Variants in SPON1 observed in about 807,000 individuals in gnomAD.
The protein encoded by SPON1 is spondin-1.
SPON1 carries 52 observed loss-of-function variants against 111.7 expected under a neutral mutation model. The ratio of observed to expected loss-of-function variants is 0.47; its 90% CI spans 0.37 to 0.59. The LOEUF is 0.59. Ranked by LOEUF, SPON1 falls within the 20% of genes least tolerant of loss-of-function variation. SPON1 has a pLI of 0.00. For missense variants in SPON1, 957 were observed against 1,068.5 expected (o/e 0.90, Z 1.46); for synonymous variants, 410 against 395.8 (o/e 1.04, Z -0.43).
chr11:14,078,234 T>C (rs1848933634), intron 4 of SPON1, among the ~76,000 whole-genome samples: 1 of 152,250 alleles, frequency 6.6e-6, no homozygotes, highest in African/African-American at 2.4e-5. Context: ...TTATTTTCCT[T>C]TGAAAATCCA....
intron 6 of SPON1, among the ~76,000 whole-genome samples, chr11:14,176,130 C>A (rs1024304159): frequency 2.0e-5 from 3 of 152,064 alleles, no homozygotes; most frequent in Admixed American, 2.0e-4. Flanking sequence ...GTTAAGCCCT[C>A]TTTAGGGTTC....
intron 6 of SPON1, among the ~76,000 whole-genome samples, chr11:14,203,296 A>C (rs1258590331): frequency 3.9e-5 from 6 of 152,112 alleles, no homozygotes; most frequent in African/African-American, 1.2e-4. Flanking sequence ...CCTCTCTAGC[A>C]AGCTATTTTC....
chr11:14,158,929 G>C (rs1425179599), intron 6 of SPON1, among the ~76,000 whole-genome samples: 1 of 152,060 alleles, frequency 6.6e-6, no homozygotes, highest in African/African-American at 2.4e-5. Flanking sequence ...AATATGCTAG[G>C]TGTGGAGAAC....
At chr11:14,077,774 C>T (rs563645865) in intron 4 of SPON1, among the ~76,000 whole-genome samples, 12 of 151,274 alleles carry the variant, frequency 7.9e-5, no homozygotes, top group Non-Finnish European at 1.2e-4. Context: ...CATGAGCTAC[C>T]GTGCCCGGCC....
chr11:13,992,579 G>T (rs975611574), intron 2 of SPON1, among the ~76,000 whole-genome samples: 1 of 152,012 alleles, frequency 6.6e-6, no homozygotes, highest in Non-Finnish European at 1.5e-5. Context: ...GTTCTGTCTC[G>T]CTGCTGTTCC....
intron 2 of SPON1, among the ~76,000 whole-genome samples, chr11:13,991,628 A>C (rs936674361): frequency 8.5e-5 from 13 of 152,218 alleles, no homozygotes; most frequent in Admixed American, 5.9e-4. Flanking sequence ...GCTGGTGAGG[A>C]GTTGCGATCC....
rs1235638701 is a variant in SPON1 at position 14,259,279 on chromosome 11, G to C, written c.1493-1G>C. Reference sequence around the variant, plus strand: ...TGCAGCGTTCACTCGGTGTGTTGCAGACGGCTCCACCTGCACCATGTCCGA... The same window carrying C: ...TGCAGCGTTCACTCGGTGTGTTGCACACGGCTCCACCTGCACCATGTCCGA... On this transcript the variant is annotated splice_acceptor_variant, in intron 11 of 15. Transcript: ENST00000576479. LOFTEE classifies it high-confidence loss of function. This position sits in a 1 kb window ranked among gnomAD's most constrained non-coding sequence, Gnocchi z 5.0. 1 of 1,609,742 alleles carries C rather than the reference G, an allele frequency of 6.2e-7. No homozygotes were observed. Among genetic ancestry groups the C allele is most frequent in the African/African-American group, 1.3e-5 (1 of 74,856 alleles).
At chr11:14,061,869 G>A (rs186175750) in intron 3 of SPON1, among the ~76,000 whole-genome samples, 230 of 152,320 alleles carry the variant, frequency 1.5e-3, no homozygotes, top group Non-Finnish European at 2.6e-3. Flanking sequence ...TGCTGATGAG[G>A]CCTAACTACT....
chr11:14,004,132 A>G (rs1848340975), intron 2 of SPON1, among the ~76,000 whole-genome samples: 1 of 152,084 alleles, frequency 6.6e-6, no homozygotes, highest in Non-Finnish European at 1.5e-5. Flanking sequence ...TCTAGGCTGA[A>G]TAATATTCCA....
At chr11:14,198,385 C>T (rs1288410107) in intron 6 of SPON1, among the ~76,000 whole-genome samples, 1 of 152,226 alleles carries the variant, frequency 6.6e-6, no homozygotes, top group Non-Finnish European at 1.5e-5. Flanking sequence ...GGTAGGTGCT[C>T]ACCTGGGATG....
rs782248239 is a variant in SPON1, at chr11:14,265,638, G to C, written c.2375G>C (p.Ser792Thr). 6.2e-7 allele frequency: 1 copy of C among 1,613,786 alleles called. No individual in the cohort carries two copies. The highest frequency in any genetic ancestry group is 8.5e-7 in the Non-Finnish European group (1 of 1,179,832). Residue 792 changes from serine (S) to threonine (T), a missense_variant, in exon 16 of 16, where the codon AGC becomes ACC. Physicochemically the swap from Ser to Thr is moderately conservative, Grantham distance 58 (BLOSUM62 1). Around this residue, in one of 5 missense-constraint regions of SPON1, gnomAD observed 549 missense variants for 606.2 expected, o/e 0.91. Transcript: ENST00000576479. ...KKRFKSSQFT[S>T]CKDKKEIRAC... ...AGATTCAAAAGCTCCCAGTTTACCAGCTGCAAAGACAAGAAGGAGATCAGA... is the reference window on the plus strand; with the variant it reads ...AGATTCAAAAGCTCCCAGTTTACCACCTGCAAAGACAAGAAGGAGATCAGA...
rs377586159 is a variant in SPON1, at chr11:14,257,713, C to T, written c.1310-3C>T. ...GGGAAAACATGTCAAACACTCTTTCCAGATGACACCCCTGAAACCTGCATC... is the reference window on the plus strand; with the variant it reads ...GGGAAAACATGTCAAACACTCTTTCTAGATGACACCCCTGAAACCTGCATC... On this transcript the variant is annotated splice_polypyrimidine_tract_variant and splice_region_variant and intron_variant, in intron 10 of 15. Coordinates refer to ENST00000576479, the MANE Select transcript of SPON1 (RefSeq NM_006108.4). 6.2e-7 allele frequency: 1 copy of T among 1,604,968 alleles called. No homozygotes were observed. The highest frequency in any genetic ancestry group is 1.3e-5 in the African/African-American group (1 of 74,706).
chr11:14,130,617 C>G (rs374982814), intron 5 of SPON1, among the ~76,000 whole-genome samples: 1 of 151,236 alleles, frequency 6.6e-6, no homozygotes, highest in Admixed American at 6.6e-5. Flanking sequence ...AAACTATTGT[C>G]AAATAGTTTA....
intron 5 of SPON1, among the ~76,000 whole-genome samples, chr11:14,100,085 A>C (rs1189941026): frequency 1.3e-5 from 2 of 152,046 alleles, no homozygotes; most frequent in East Asian, 3.8e-4. Context: ...ACAAACATCC[A>C]AACCATATCA....
In SPON1 at chr11:14,265,569, T is replaced by C. The variant is rs1274907839; in HGVS notation, c.2306T>C (p.Leu769Pro). 1.9e-6 allele frequency: 3 copies of C among 1,613,590 alleles called. No individual in the cohort carries two copies. Among genetic ancestry groups the C allele is most frequent in the South Asian group, 2.2e-5 (2 of 90,980 alleles). The change falls in exon 16 of 16, where the codon CTG (leucine) becomes CCG (proline). Residue 769 changes from leucine to proline, a missense_variant. This residue lies in a region of SPON1 where 549 missense variants were observed against 606.2 expected (regional missense o/e 0.91). Transcript: ENST00000576479. ...ACGGCCTGGTCAGAATGCACCAAACTGTGCGGAGGTGGAATTCAGGAACGT... is the reference window on the plus strand; with the variant it reads ...ACGGCCTGGTCAGAATGCACCAAACCGTGCGGAGGTGGAATTCAGGAACGT... ...PWTAWSECTK[L>P]CGGGIQERYM...
intron 6 of SPON1, among the ~76,000 whole-genome samples, chr11:14,149,595 C>T (rs138343326): frequency 2.0e-5 from 3 of 152,178 alleles, no homozygotes; most frequent in Admixed American, 6.5e-5. Flanking sequence ...TCACCACTCA[C>T]TGACTGACAC....
intron 15 of SPON1, 185 bp downstream of exon 15, chr11:14,263,160 A>G (rs539746575): frequency 1.6e-6 from 1 of 634,900 alleles, no homozygotes; most frequent in African/African-American, 1.8e-5. Flanking sequence ...TTGAGCAAGC[A>G]TAATTTATAA....
intron 2 of SPON1, among the ~76,000 whole-genome samples, chr11:14,017,074 A>G (rs1969539): frequency 0.48 from 72,857 of 152,078 alleles, 18,143 homozygotes; most frequent in East Asian, 0.67. Context: ...TTCATTGGCA[A>G]TGACCTTCCT....
At chr11:14,068,162 T>C (rs548217764) in intron 3 of SPON1, among the ~76,000 whole-genome samples, 27 of 152,334 alleles carry the variant, frequency 1.8e-4, no homozygotes, top group African/African-American at 5.8e-4. Flanking sequence ...GACGGGTAAG[T>C]TGTAAAGTGC....
Sources: allele counts gnomAD v4.1 joint callset (sites outside exome capture counted in the v4.1 genomes callset), GRCh38; gene constraint gnomAD v4.1.1; regional missense constraint gnomAD v4.1.1; non-coding constraint Gnocchi (gnomAD v3.1); transcripts MANE v1.5; gene names NCBI Gene and HGNC (gene_info 2026-07-23, HGNC 2026-07-21).